DIPK2B: variants seen among roughly 807,000 people sequenced by gnomAD.
DIPK2B encodes the protein divergent protein kinase domain 2B.
DIPK2B carries 15 observed loss-of-function variants against 22.2 expected under a neutral mutation model. That is an observed-to-expected ratio of 0.68 (90% CI 0.45 to 1.04). The LOEUF (loss-of-function observed/expected upper bound fraction) is 1.04. Among genes scored for constraint, DIPK2B ranks in the 50% least tolerant of loss-of-function variants. The pLI is 0.00. For missense variants in DIPK2B, 345 were observed against 348.3 expected (o/e 0.99, Z 0.08); for synonymous variants, 163 against 153.2 (o/e 1.06, Z -0.47).
At chrX:45,180,093 C>G (rs929687737) in intron 2 of DIPK2B, among the ~76,000 whole-genome samples, 2 of 111,665 alleles carry the variant, frequency 1.8e-5, no homozygotes, top group Non-Finnish European at 3.8e-5. Context: ...GTTGGAACCA[C>G]TGGAACATCA....
At position 45,200,788 on chromosome X, in the gene DIPK2B, G is replaced by A. The variant is rs1225322047; in HGVS notation, c.39C>T (p.Arg13=). The change falls in exon 1 of 5, where the codon CGC becomes CGT. Residue 13 remains arginine (R), a synonymous_variant. Coordinates refer to ENST00000398000, the MANE Select transcript of DIPK2B (RefSeq NM_176819.4). ...PQLGPEAAAL[R]PGWLALLLWV... is the part of the protein sequence containing the mutation. ...ACAGCAGCAGGGCCAGCCAGCCAGG[G>A]CGGAGGGCGGCAGCCTCAGGCCCCA... 2.5e-6 allele frequency: 3 copies of A among 1,200,983 alleles called. No individual in the cohort carries two copies. In the Admixed American group the frequency reaches 6.7e-5, roughly 27 times the overall value.
chrX:45,171,354 G>T (rs2047080073), intron 2 of DIPK2B, among the ~76,000 whole-genome samples: 1 of 111,254 alleles, frequency 9.0e-6, no homozygotes, highest in African/African-American at 3.3e-5. Context: ...TTTCTGAAAA[G>T]ATCCACTGTC....
chrX:45,186,601 C>A (rs1457662278), intron 2 of DIPK2B, among the ~76,000 whole-genome samples: 2 of 112,459 alleles, frequency 1.8e-5, no homozygotes, highest in Non-Finnish European at 3.8e-5. Flanking sequence ...TTTGTTAAAA[C>A]AAACAAACAA....
Position 45,200,847 on chromosome X carries a change from T to G in DIPK2B, c.-21A>C, listed in dbSNP as rs1288083635. Reference sequence around the variant, plus strand: ...TCCATCTTGGGCTCTGGGCTCCAGCTGCAGCCTCTGGCTGTCCACTCGAGG... The same window carrying G: ...TCCATCTTGGGCTCTGGGCTCCAGCGGCAGCCTCTGGCTGTCCACTCGAGG... On this transcript the variant is annotated 5_prime_UTR_variant, in exon 1 of 5. Transcript: ENST00000398000. 1.8e-6 allele frequency: 2 copies of G among 1,133,885 alleles called. No homozygotes were observed. The highest frequency in any genetic ancestry group is 3.2e-5 in the East Asian group (1 of 31,064). 93.4% of individuals were successfully genotyped at this position (1,133,885 alleles called of 1,213,427 possible). A position where few individuals can be genotyped will look rare whatever the true frequency, so the allele number is the denominator to read the frequency against.
intron 3 of DIPK2B, 80 bp from the exon 4 acceptor site, chrX:45,154,278 C>CCTATCTATCTAT (rs57660875): frequency 0.014 from 8,202 of 598,097 alleles, 45 homozygotes; most frequent in East Asian, 0.017. Context: ...TATCTATCTC[C>CCTATCTATCTAT]CTATCTATCT....
At chrX:45,163,330 G>A in intron 2 of DIPK2B, 1 of 628,278 alleles carries the variant, frequency 1.6e-6, no homozygotes, top group African/African-American at 2.4e-5. Flanking sequence ...ATCTGGACAT[G>A]TATATGTATC....
chrX:45,180,582 T>C (rs1420364976), intron 2 of DIPK2B, among the ~76,000 whole-genome samples: 1 of 111,890 alleles, frequency 8.9e-6, no homozygotes, highest in Non-Finnish European at 1.9e-5. Context: ...TATAATGGTA[T>C]ACATGGAAAA....
At chrX:45,154,316 T>A (rs760206644) in intron 3 of DIPK2B, 118 bp from the exon 4 acceptor site, 4 of 588,390 alleles carry the variant, frequency 6.8e-6, no homozygotes, top group Non-Finnish European at 9.8e-6. Flanking sequence ...TCTATCTATC[T>A]ATCTGTCTAT....
intron 2 of DIPK2B, among the ~76,000 whole-genome samples, chrX:45,177,780 G>C (rs542841323): frequency 9.0e-6 from 1 of 111,347 alleles, no homozygotes; most frequent in South Asian, 3.8e-4. Flanking sequence ...AAATTTCAGG[G>C]ACTCTAAAAT....
At chrX:45,171,534 C>T (rs1317922410) in intron 2 of DIPK2B, among the ~76,000 whole-genome samples, 1 of 111,144 alleles carries the variant, frequency 9.0e-6, no homozygotes, top group African/African-American at 3.3e-5. Context: ...ACCCCCAGCC[C>T]TCACCCTACC....
At chrX:45,152,526 A>G (rs1395315594) in intron 4 of DIPK2B, among the ~76,000 whole-genome samples, 1 of 111,734 alleles carries the variant, frequency 8.9e-6, no homozygotes, top group African/African-American at 3.3e-5. Flanking sequence ...TACCCCTACC[A>G]GAAGTTAGGC....
At chrX:45,193,660 C>T (rs1410853689) in intron 1 of DIPK2B, among the ~76,000 whole-genome samples, 1 of 112,460 alleles carries the variant, frequency 8.9e-6, no homozygotes, top group Non-Finnish European at 1.9e-5. Context: ...GCAACTTCTG[C>T]AATGCAGGAC....
intron 2 of DIPK2B, among the ~76,000 whole-genome samples, chrX:45,182,063 A>G: frequency 1.2e-5 from 1 of 82,821 alleles, no homozygotes; most frequent in African/African-American, 4.7e-5. Context: ...GGTGACAGAG[A>G]CACCCTGTCT....
At chrX:45,189,303 A>C (rs2047199021) in intron 2 of DIPK2B, among the ~76,000 whole-genome samples, 1 of 111,302 alleles carries the variant, frequency 9.0e-6, no homozygotes, top group Non-Finnish European at 1.9e-5. Context: ...CTGATAGGTG[A>C]GTTTTGCTAC....
intron 2 of DIPK2B, among the ~76,000 whole-genome samples, chrX:45,173,513 T>TTTTC (rs1215134719): frequency 1.3e-5 from 1 of 75,308 alleles, no homozygotes; most frequent in South Asian, 5.7e-4. Flanking sequence ...CTTTCTTTCT[T>TTTTC]TTTCTTTCTT....
intron 2 of DIPK2B, among the ~76,000 whole-genome samples, chrX:45,177,085 C>T (rs1167072247): frequency 9.1e-6 from 1 of 110,097 alleles, no homozygotes; most frequent in Non-Finnish European, 1.9e-5. Context: ...ATTGCTTGAT[C>T]TCAGGAGTTC....
At chrX:45,163,941 G>A in intron 2 of DIPK2B, 1 of 927,231 alleles carries the variant, frequency 1.1e-6, no homozygotes, top group Non-Finnish European at 1.3e-6. Flanking sequence ...CCCATCTAGG[G>A]GACCACAGTG....
chrX:45,178,133 C>A (rs2047128640), intron 2 of DIPK2B, among the ~76,000 whole-genome samples: 1 of 111,809 alleles, frequency 8.9e-6, no homozygotes, highest in Non-Finnish European at 1.9e-5. Context: ...GGATCCCATG[C>A]CCAGCTGGGT....
At position 45,198,070 on chromosome X, in the gene DIPK2B, T is replaced by C. The variant is rs983719874; in HGVS notation, c.233+2524A>G. The stretch of plus-strand genomic sequence containing the variant: ...AAAATCAAAGTGTGTGGAAGATCAT[T>C]TAATAATGTGGAAAGATGTTCCTGA... On this transcript the variant is annotated intron_variant, in intron 1 of 4. Coordinates refer to ENST00000398000, the MANE Select transcript of DIPK2B (RefSeq NM_176819.4). Among the ~76,000 whole-genome samples, 5 of 112,402 alleles carry C rather than the reference T, an allele frequency of 4.4e-5. No homozygotes were observed. The Admixed American group carries it at 4.7e-4, about 11-fold the overall frequency.
Sources: allele counts gnomAD v4.1 joint callset (sites outside exome capture counted in the v4.1 genomes callset), GRCh38; gene constraint gnomAD v4.1.1; transcripts MANE v1.5; gene names NCBI Gene and HGNC (gene_info 2026-07-23, HGNC 2026-07-21).